Variants in TENM4 observed in about 807,000 individuals in gnomAD.
The protein encoded by TENM4 is teneurin-4.
Under a neutral mutation model 243.3 loss-of-function variants are expected in TENM4, and 82 were observed. The ratio of observed to expected loss-of-function variants is 0.34; its 90% confidence interval spans 0.28 to 0.40. The LOEUF (loss-of-function observed/expected upper bound fraction) is 0.40, where lower values mean the gene tolerates loss of function less well. TENM4 is among the 10% of genes least tolerant of loss of function. The pLI, the probability that TENM4 is intolerant of heterozygous loss-of-function variation, is 1.00. For missense variants in TENM4, 3,138 were observed against 3,673.3 expected (o/e 0.85, Z 3.77); for synonymous variants, 1,412 against 1,456.3 (o/e 0.97, Z 0.69).
At chr11:78,876,378 T>C (rs144992042) in intron 9 of TENM4, among the ~76,000 whole-genome samples, 103 of 152,300 alleles carry the variant, frequency 6.8e-4, no homozygotes, top group African/African-American at 2.3e-3. Flanking sequence ...GGCCCATAGA[T>C]AGGTAAAATG....
At chr11:78,961,506 G>A (rs1026721895) in intron 6 of TENM4, among the ~76,000 whole-genome samples, 2 of 152,210 alleles carry the variant, frequency 1.3e-5, no homozygotes, top group African/African-American at 4.8e-5. Flanking sequence ...CAGAATAAGA[G>A]AGCTTGCAGA....
chr11:78,667,985 G>C (rs1858199560), intron 32 of TENM4, among the ~76,000 whole-genome samples: 1 of 152,168 alleles, frequency 6.6e-6, no homozygotes, highest in Admixed American at 6.5e-5. Flanking sequence ...AGACATCCCT[G>C]CCTGTGGGAC....
intron 10 of TENM4, among the ~76,000 whole-genome samples, chr11:78,859,972 T>C (rs899958285): frequency 5.9e-5 from 9 of 152,248 alleles, no homozygotes; most frequent in African/African-American, 2.2e-4. Flanking sequence ...ATTTGGTTTC[T>C]GTCCCATCAC....
At chr11:78,854,399 A>G (rs1436823552) in intron 11 of TENM4, 85 bp from the exon 12 acceptor site, 1 of 1,287,444 alleles carries the variant, frequency 7.8e-7, no homozygotes. Flanking sequence ...TGGAGAGGAC[A>G]TTGGGAAACA....
chr11:79,269,815 C>G (rs1323113813), intron 2 of TENM4: 1 of 152,250 alleles, frequency 6.6e-6, no homozygotes, highest in Admixed American at 6.5e-5. Flanking sequence ...CAAGGGGCCT[C>G]TGTGGCATGC....
intron 1 of TENM4, among the ~76,000 whole-genome samples, chr11:79,361,225 A>G (rs1475217960): frequency 6.6e-6 from 1 of 152,136 alleles, no homozygotes; most frequent in African/African-American, 2.4e-5. Flanking sequence ...TCATCCCCCG[A>G]TCTCTGGTGT....
At chr11:78,939,840 T>C (rs1226034310) in intron 6 of TENM4, among the ~76,000 whole-genome samples, 1 of 152,198 alleles carries the variant, frequency 6.6e-6, no homozygotes, top group South Asian at 2.1e-4. Flanking sequence ...TATGAGCTCA[T>C]GAAGGACAGA....
At chr11:79,022,233 G>A (rs1314071944) in intron 6 of TENM4, among the ~76,000 whole-genome samples, 1 of 152,198 alleles carries the variant, frequency 6.6e-6, no homozygotes, top group Admixed American at 6.5e-5. Context: ...CTTGGAAGAT[G>A]TTATAAAGAT....
At chr11:78,825,579 C>T (rs1323151872) in intron 12 of TENM4, among the ~76,000 whole-genome samples, 1 of 152,102 alleles carries the variant, frequency 6.6e-6, no homozygotes, top group Non-Finnish European at 1.5e-5. Flanking sequence ...AAAAAACAAG[C>T]CAGAGGGGGC....
intron 1 of TENM4, among the ~76,000 whole-genome samples, chr11:79,387,304 T>A (rs1336840620): frequency 6.6e-6 from 1 of 152,188 alleles, no homozygotes; most frequent in Non-Finnish European, 1.5e-5. Context: ...ATGTTCTATT[T>A]AAAGTTCTGG....
intron 3 of TENM4, among the ~76,000 whole-genome samples, chr11:79,171,531 A>G (rs1445178744): frequency 1.3e-5 from 2 of 152,200 alleles, no homozygotes; most frequent in African/African-American, 2.4e-5. Context: ...TTAAATAGAG[A>G]GTCCCCATAG....
intron 7 of TENM4, among the ~76,000 whole-genome samples, chr11:78,894,935 C>T (rs1855751950): frequency 7.1e-6 from 1 of 141,236 alleles, no homozygotes; most frequent in African/African-American, 2.6e-5. Context: ...GCTGAGGCTG[C>T]CATAAGCCTC....
At chr11:78,697,483 C>T (rs1017287925) in intron 28 of TENM4, among the ~76,000 whole-genome samples, 1 of 152,222 alleles carries the variant, frequency 6.6e-6, no homozygotes, top group African/African-American at 2.4e-5. Context: ...GGCCAAATCT[C>T]TTCATTTGAC....
intron 6 of TENM4, among the ~76,000 whole-genome samples, chr11:79,021,966 G>A (rs1176625217): frequency 1.3e-5 from 2 of 152,172 alleles, no homozygotes; most frequent in South Asian, 2.1e-4. Flanking sequence ...TGTGTGGCAT[G>A]AGGGTGGCAG....
chr11:79,325,010 G>T (rs1236063866), intron 1 of TENM4, among the ~76,000 whole-genome samples: 2 of 152,190 alleles, frequency 1.3e-5, no homozygotes, highest in African/African-American at 4.8e-5. Context: ...CCAGGGACAG[G>T]TTTTTCTGAG....
chr11:78,993,687 A>G (rs990947971), intron 6 of TENM4, among the ~76,000 whole-genome samples: 1 of 151,724 alleles, frequency 6.6e-6, no homozygotes, highest in African/African-American at 2.4e-5. Flanking sequence ...CAGATACTAC[A>G]TTTTTCAATT....
chr11:78,988,441 A>G (rs1425704547), intron 6 of TENM4, among the ~76,000 whole-genome samples: 4 of 152,352 alleles, frequency 2.6e-5, no homozygotes, highest in Admixed American at 6.5e-5. Flanking sequence ...AAGCAGCTAC[A>G]TTTTGGGGCA....
intron 19 of TENM4, chr11:78,756,392 G>A: frequency 4.6e-6 from 1 of 216,644 alleles, no homozygotes; most frequent in Non-Finnish European, 9.2e-6. Flanking sequence ...GGCCTGGGAT[G>A]GCAGCAGATG....
intron 4 of TENM4, among the ~76,000 whole-genome samples, chr11:79,074,341 G>C (rs1565192769): frequency 6.6e-6 from 1 of 152,032 alleles, no homozygotes; most frequent in East Asian, 1.9e-4. Context: ...GTGACCTGGA[G>C]CCCCCCGGCA....
Sources: gnomAD v4.1 joint callset for allele counts (sites outside exome capture counted in the v4.1 genomes callset) on GRCh38, gnomAD v4.1.1 for gene constraint, MANE v1.5 for transcripts, NCBI Gene and HGNC (gene_info 2026-07-23, HGNC 2026-07-21) for gene names.